KHDRBS2: variants seen among roughly 807,000 people sequenced by gnomAD.
KHDRBS2 encodes KH RNA binding domain containing, signal transduction associated 2, also known as KH domain-containing, RNA-binding, signal transduction-associated protein 2.
KHDRBS2 carries 26 observed loss-of-function variants against 44.3 expected under a neutral mutation model. That is an observed-to-expected ratio of 0.59 (90% CI 0.43 to 0.81). KHDRBS2 has a LOEUF of 0.81. Among genes scored for constraint, KHDRBS2 ranks in the 40% least tolerant of loss-of-function variants. KHDRBS2 has a pLI of 0.00. For synonymous variants in KHDRBS2, 194 were observed against 151.1 expected, an observed-to-expected ratio of 1.28 and a Z score of -2.08; for missense variants, 476 against 433.1, an observed-to-expected ratio of 1.10 and a Z score of -0.88.
chr6:62,088,057 T>A (rs1267548893), intron 2 of KHDRBS2, among the ~76,000 whole-genome samples: 4 of 152,248 alleles, frequency 2.6e-5, no homozygotes, highest in Non-Finnish European at 5.9e-5. Flanking sequence ...TTATTTATGT[T>A]CTTCTCTAAA....
At chr6:61,996,145 C>T (rs1777123559) in intron 3 of KHDRBS2, among the ~76,000 whole-genome samples, 1 of 152,108 alleles carries the variant, frequency 6.6e-6, no homozygotes, top group South Asian at 2.1e-4. Flanking sequence ...TTTAATCTGT[C>T]TACAGGGCAA....
chr6:61,660,170 G>A, the KHDRBS2 span, among the ~76,000 whole-genome samples: 3 of 151,764 alleles, frequency 2.0e-5, no homozygotes, highest in African/African-American at 4.8e-5. Context: ...AGTGTAGTTC[G>A]TAACTGACAG....
At chr6:62,212,070 A>G (rs1294872371) in intron 1 of KHDRBS2, among the ~76,000 whole-genome samples, 1 of 152,164 alleles carries the variant, frequency 6.6e-6, no homozygotes, top group Non-Finnish European at 1.5e-5. Context: ...AAAAGCAAAT[A>G]CCACATGTTC....
intron 1 of KHDRBS2, among the ~76,000 whole-genome samples, chr6:62,237,096 T>C (rs1833823067): frequency 6.6e-6 from 1 of 152,156 alleles, no homozygotes; most frequent in Admixed American, 6.6e-5. Flanking sequence ...GCTTACTTTG[T>C]TTTCCAGATT....
chr6:62,088,458 T>G (rs567928753), intron 2 of KHDRBS2, among the ~76,000 whole-genome samples: 20 of 152,316 alleles, frequency 1.3e-4, no homozygotes, highest in African/African-American at 4.8e-4. Context: ...AGTCAGGCCC[T>G]TCTTCTGCAG....
intron 3 of KHDRBS2, among the ~76,000 whole-genome samples, chr6:62,041,070 C>A (rs146091546): frequency 1.3e-5 from 2 of 152,114 alleles, no homozygotes; most frequent in Non-Finnish European, 2.9e-5. Flanking sequence ...GTGGCTCACA[C>A]TTGTAATCCC....
chr6:61,558,078 T>A, the KHDRBS2 span, among the ~76,000 whole-genome samples: 5 of 152,162 alleles, frequency 3.3e-5, no homozygotes, highest in Non-Finnish European at 7.3e-5. Context: ...TTAAACAACT[T>A]TTTGTTTCAT....
intron 7 of KHDRBS2, among the ~76,000 whole-genome samples, chr6:61,715,429 T>C (rs1168231166): frequency 1.3e-5 from 2 of 151,972 alleles, no homozygotes; most frequent in African/African-American, 2.4e-5. Context: ...GCCTCAGCTA[T>C]ATGCCCCAAC....
chr6:61,907,581 G>T (rs1195412091), intron 4 of KHDRBS2, among the ~76,000 whole-genome samples: 2 of 152,044 alleles, frequency 1.3e-5, no homozygotes, highest in Non-Finnish European at 2.9e-5. Context: ...TTTTATTTTT[G>T]TATATGGTTA....
chr6:61,858,476 G>T (rs1796460629), intron 6 of KHDRBS2, among the ~76,000 whole-genome samples: 1 of 151,660 alleles, frequency 6.6e-6, no homozygotes, highest in Non-Finnish European at 1.5e-5. Context: ...AATTTTAACT[G>T]AAAATGTTTT....
At chr6:62,119,798 A>T (rs1334618589) in intron 2 of KHDRBS2, among the ~76,000 whole-genome samples, 1 of 152,174 alleles carries the variant, frequency 6.6e-6, no homozygotes. Context: ...CTGAGGCAAC[A>T]GTGATGGCCT....
chr6:61,983,242 T>TCTTTC (rs1357374587), intron 3 of KHDRBS2, among the ~76,000 whole-genome samples: 2 of 137,444 alleles, frequency 1.5e-5, no homozygotes, highest in South Asian at 5.0e-4. Flanking sequence ...CTTTCTTTTT[T>TCTTTC]TTTTTTTTTT....
intron 2 of KHDRBS2, among the ~76,000 whole-genome samples, chr6:62,137,203 G>T (rs1027004016): frequency 1.3e-5 from 2 of 151,752 alleles, no homozygotes; most frequent in African/African-American, 4.8e-5. Context: ...GGGTTTCACC[G>T]TGTTAGCCAG....
intron 1 of KHDRBS2, among the ~76,000 whole-genome samples, chr6:62,215,610 T>C (rs564580741): frequency 6.6e-6 from 1 of 151,804 alleles, no homozygotes; most frequent in African/African-American, 2.4e-5. Flanking sequence ...AATTAGAAAA[T>C]AATTACTTCC....
chr6:62,268,953 A>G (rs1839642241), intron 1 of KHDRBS2, among the ~76,000 whole-genome samples: 1 of 152,062 alleles, frequency 6.6e-6, no homozygotes, highest in African/African-American at 2.4e-5. Flanking sequence ...TTAAACACAA[A>G]CCTTCATTGT....
At chr6:61,621,131 C>T in the KHDRBS2 span, among the ~76,000 whole-genome samples, 1 of 152,152 alleles carries the variant, frequency 6.6e-6, no homozygotes, top group East Asian at 1.9e-4. Flanking sequence ...GCATGAAGGA[C>T]ACCGGCCTGA....
intron 7 of KHDRBS2, among the ~76,000 whole-genome samples, chr6:61,709,226 T>A (rs1023467958): frequency 6.6e-6 from 1 of 151,682 alleles, no homozygotes; most frequent in African/African-American, 2.4e-5. Context: ...TGAAATATTC[T>A]GAAACATGAA....
intron 1 of KHDRBS2, among the ~76,000 whole-genome samples, chr6:62,231,571 T>C (rs1489462004): frequency 6.6e-6 from 1 of 152,012 alleles, no homozygotes; most frequent in Non-Finnish European, 1.5e-5. Context: ...CCAAACCATA[T>C]TACCCCGCAA....
Position 62,039,846 on chromosome 6 carries a change from T to A in KHDRBS2, c.336+8032A>T, listed in dbSNP as rs918206126. On this transcript the variant is annotated intron_variant, in intron 3 of 8. Coordinates refer to ENST00000281156, the MANE Select transcript of KHDRBS2 (RefSeq NM_152688.4). ...GCTTTTGGGATCCATCTAGCATCCC[T>A]AGTAAAATGCTAGAACACTTGCTTT... 4.6e-5 allele frequency among the ~76,000 whole-genome samples: 7 copies of A among 152,228 alleles called. No homozygotes were observed. In the East Asian group the frequency reaches 1.2e-3, roughly 25 times the overall value.
Sources: allele counts gnomAD v4.1 joint callset (sites outside exome capture counted in the v4.1 genomes callset), GRCh38; gene constraint gnomAD v4.1.1; transcripts MANE v1.5; gene names NCBI Gene and HGNC (gene_info 2026-07-23, HGNC 2026-07-21).